Variants in TNRC6A observed in about 807,000 individuals in gnomAD.
TNRC6A encodes the protein trinucleotide repeat-containing gene 6A protein.
A neutral mutation model predicts 221.2 loss-of-function variants in TNRC6A; 44 were observed. The ratio of observed to expected loss-of-function variants is 0.20; its 90% CI spans 0.16 to 0.26. The LOEUF (loss-of-function observed/expected upper bound fraction) is 0.26. TNRC6A is among the 10% of genes least tolerant of loss of function. The pLI, the probability that TNRC6A is intolerant of heterozygous loss-of-function variation, is 1.00. For synonymous variants in TNRC6A, 847 were observed against 838.5 expected (o/e 1.01, Z -0.18); for missense variants, 2,199 against 2,404.4 (o/e 0.91, Z 1.79).
intron 2 of TNRC6A, among the ~76,000 whole-genome samples, chr16:24,698,834 C>T (rs147417314): frequency 2.0e-5 from 3 of 152,194 alleles, no homozygotes; most frequent in Non-Finnish European, 4.4e-5. Flanking sequence ...CCTCAGCCTC[C>T]CAAGTAGCTG....
intron 2 of TNRC6A, among the ~76,000 whole-genome samples, chr16:24,671,283 T>A (rs1249987663): frequency 6.6e-6 from 1 of 152,170 alleles, no homozygotes; most frequent in Non-Finnish European, 1.5e-5. Context: ...GCTAAGAGAT[T>A]CATACGGCTT....
chr16:24,705,995 G>C (rs1331494160), intron 2 of TNRC6A, among the ~76,000 whole-genome samples: 1 of 152,158 alleles, frequency 6.6e-6, no homozygotes, highest in Non-Finnish European at 1.5e-5. Flanking sequence ...AGTTAAGTCA[G>C]TAATGTAGTT....
chr16:24,737,814 C>T (rs528580218), intron 2 of TNRC6A, among the ~76,000 whole-genome samples: 1 of 151,702 alleles, frequency 6.6e-6, no homozygotes, highest in African/African-American at 2.4e-5. Context: ...TTGGTCCCTT[C>T]TTTCTCCCAT....
At chr16:24,628,690 C>A (rs550961609) in intron 1 of TNRC6A, among the ~76,000 whole-genome samples, 1 of 152,060 alleles carries the variant, frequency 6.6e-6, no homozygotes, top group Non-Finnish European at 1.5e-5. Context: ...ATACAAAATA[C>A]GTGTTAACCG....
At chr16:24,729,910 A>G (rs1193794396) in intron 1 of TNRC6A, 64 bp downstream of exon 1, 4 of 1,131,602 alleles carry the variant, frequency 3.5e-6, no homozygotes, top group Non-Finnish European at 4.4e-6. Flanking sequence ...AGGGCCCGCA[A>G]CCCGCGGCGG....
chr16:24,798,394 A>G (rs1361529950), intron 11 of TNRC6A, among the ~76,000 whole-genome samples: 1 of 152,218 alleles, frequency 6.6e-6, no homozygotes, highest in African/African-American at 2.4e-5. Flanking sequence ...CTAGAAAACA[A>G]GGTCGGTGCT....
chr16:24,792,291 ATT>A (rs2058119339), intron 6 of TNRC6A, among the ~76,000 whole-genome samples: 1 of 152,192 alleles, frequency 6.6e-6, no homozygotes, highest in Admixed American at 6.5e-5. Flanking sequence ...TATTTAAAAC[ATT>A]TGACAATACC....
intron 2 of TNRC6A, among the ~76,000 whole-genome samples, chr16:24,643,110 A>ATATATATATTTT (rs1406737326): frequency 0.16 from 8,864 of 55,330 alleles, 143 homozygotes; most frequent in Non-Finnish European, 0.25. Context: ...ATATATATAA[A>ATATATATATTTT]ATATATATAT....
chr16:24,823,422 TCTC>T lies in TNRC6A; in HGVS notation c.5514-6_5514-4del. On this transcript the variant is annotated splice_region_variant and splice_polypyrimidine_tract_variant and intron_variant, in intron 24 of 24. Coordinates refer to ENST00000395799, the MANE Select transcript of TNRC6A (RefSeq NM_014494.4). This position sits in a 1 kb window ranked among gnomAD's most constrained non-coding sequence, Gnocchi z 4.3. The stretch of plus-strand genomic sequence containing the variant: ...TGTCCTCACGTGTCCGCGGTGCCTC[TCTC>T]CTCTAGGTGTGTACTGGGGAACACT... 1 of 1,599,412 alleles carries T rather than the reference TCTC, an allele frequency of 6.3e-7. No individual in the cohort carries two copies. The highest frequency in any genetic ancestry group is 8.5e-7 in the Non-Finnish European group (1 of 1,170,264).
intron 2 of TNRC6A, among the ~76,000 whole-genome samples, chr16:24,671,627 C>G (rs1042501742): frequency 2.6e-5 from 4 of 152,174 alleles, no homozygotes; most frequent in African/African-American, 7.2e-5. Flanking sequence ...ATGGGGAAAT[C>G]GAGCCTAGAA....
chr16:24,712,498 C>T (rs2056223634), intron 2 of TNRC6A, among the ~76,000 whole-genome samples: 2 of 152,120 alleles, frequency 1.3e-5, no homozygotes, highest in South Asian at 4.1e-4. Flanking sequence ...GTTGTAAACG[C>T]CTCAGTACAT....
At chr16:24,694,510 C>T (rs917378584) in intron 2 of TNRC6A, among the ~76,000 whole-genome samples, 2 of 151,960 alleles carry the variant, frequency 1.3e-5, no homozygotes, top group East Asian at 1.9e-4. Flanking sequence ...AAAAAATTAG[C>T]TGGGTGTGGC....
intron 4 of TNRC6A, among the ~76,000 whole-genome samples, chr16:24,771,086 G>T (rs1383562962): frequency 3.9e-5 from 6 of 152,216 alleles, no homozygotes; most frequent in African/African-American, 1.4e-4. Flanking sequence ...GAGACTTACA[G>T]AAATGTTAAA....
intron 2 of TNRC6A, chr16:24,663,091 C>T (rs2055069921): frequency 6.5e-6 from 1 of 153,744 alleles, no homozygotes; most frequent in Non-Finnish European, 1.5e-5. Flanking sequence ...GGGCCTCTTT[C>T]AGTTTACTCC....
chr16:24,791,281 G>T lies in TNRC6A; in HGVS notation c.2639G>T (p.Ser880Ile). 1.2e-6 allele frequency: 2 copies of T among 1,613,724 alleles called. No homozygotes were observed. Among genetic ancestry groups the T allele is most frequent in the Non-Finnish European group, 1.7e-6 (2 of 1,179,762 alleles). Residue 880 changes from serine (S) to isoleucine (I), a missense_variant, in exon 6 of 25, where the codon AGT becomes ATT. Physicochemically the swap from Ser to Ile is moderately radical, Grantham distance 142 (BLOSUM62 -2). Coordinates refer to ENST00000395799, the MANE Select transcript of TNRC6A (RefSeq NM_014494.4). ...NKKSSSGGSD[S>I]DRSVSGWNEL... is the part of the protein sequence containing the mutation. ...AAATCCAGCTCAGGAGGTAGTGACA[G>T]TGACAGGTCCGTTTCCGGTTGGAAC...
chr16:24,619,028 C>G (rs185709496), intron 1 of TNRC6A, among the ~76,000 whole-genome samples: 59 of 152,284 alleles, frequency 3.9e-4, no homozygotes, highest in African/African-American at 1.3e-3. Context: ...GCTTAAAATG[C>G]ATACCACTGA....
intron 1 of TNRC6A, among the ~76,000 whole-genome samples, chr16:24,630,963 G>A (rs1901301370): frequency 1.3e-5 from 2 of 151,926 alleles, no homozygotes; most frequent in African/African-American, 4.8e-5. Flanking sequence ...GTGTGTTGGT[G>A]GAGCTTAGAC....
At chr16:24,618,654 T>TC (rs1900504077) in intron 1 of TNRC6A, among the ~76,000 whole-genome samples, 1 of 144,912 alleles carries the variant, frequency 6.9e-6, no homozygotes, top group Non-Finnish European at 1.5e-5. Context: ...TTTTTTTTTT[T>TC]TTTTTTTTTT....
chr16:24,780,952 C>G (rs974702736), intron 5 of TNRC6A, among the ~76,000 whole-genome samples: 4 of 151,040 alleles, frequency 2.6e-5, no homozygotes, highest in African/African-American at 9.8e-5. Flanking sequence ...GCAACTTCTA[C>G]TACTTGCTTG....
Sources: allele counts gnomAD v4.1 joint callset (sites outside exome capture counted in the v4.1 genomes callset), GRCh38; gene constraint gnomAD v4.1.1; non-coding constraint Gnocchi (gnomAD v3.1); transcripts MANE v1.5; gene names NCBI Gene and HGNC (gene_info 2026-07-23, HGNC 2026-07-21).